Variants in SSH2 observed in about 807,000 individuals in gnomAD.
The protein encoded by SSH2 is slingshot protein phosphatase 2.
A neutral mutation model predicts 135.2 loss-of-function variants in SSH2; 37 were observed. The ratio of observed to expected loss-of-function variants is 0.27; its 90% CI spans 0.21 to 0.36. The LOEUF is 0.36. Ranked by LOEUF, SSH2 falls within the 10% of genes least tolerant of loss-of-function variation. The pLI, the probability that SSH2 is intolerant of heterozygous loss-of-function variation, is 1.00. For synonymous variants in SSH2, 628 were observed against 646.2 expected, an observed-to-expected ratio of 0.97 and a Z score of 0.43; for missense variants, 1,408 against 1,765.3, an observed-to-expected ratio of 0.80 and a Z score of 3.63.
At chr17:29,861,477 AC>A (rs1416843073) in intron 1 of SSH2, among the ~76,000 whole-genome samples, 1 of 152,104 alleles carries the variant, frequency 6.6e-6, no homozygotes, top group Non-Finnish European at 1.5e-5. Flanking sequence ...TTTCTCGTTT[AC>A]TATGTTAAGA....
intron 1 of SSH2, among the ~76,000 whole-genome samples, chr17:29,894,398 A>C (rs2066404442): frequency 6.6e-6 from 1 of 151,920 alleles, no homozygotes; most frequent in Non-Finnish European, 1.5e-5. Flanking sequence ...ACCCCTACAG[A>C]TATCAAAATC....
chr17:29,692,544 T>C (rs1371797324), intron 5 of SSH2, among the ~76,000 whole-genome samples: 2 of 152,264 alleles, frequency 1.3e-5, no homozygotes, highest in Non-Finnish European at 2.9e-5. Context: ...GCTCTGCCTT[T>C]GTAACTGCTT....
At chr17:29,877,977 T>G (rs1321669654) in intron 1 of SSH2, among the ~76,000 whole-genome samples, 2 of 151,488 alleles carry the variant, frequency 1.3e-5, no homozygotes, top group African/African-American at 2.4e-5. Context: ...CCCAGCTACT[T>G]GGGAGGCTGA....
chr17:29,761,346 C>A (rs900529448), intron 3 of SSH2: 322 of 1,078,304 alleles, frequency 3.0e-4, no homozygotes, highest in South Asian at 9.1e-4. Flanking sequence ...GCGCAGGCTG[C>A]GCGTGCACCC....
intron 3 of SSH2, among the ~76,000 whole-genome samples, chr17:29,703,302 G>A (rs1409633565): frequency 6.6e-6 from 1 of 152,184 alleles, no homozygotes; most frequent in Non-Finnish European, 1.5e-5. Flanking sequence ...AGGCCGGAGT[G>A]CAGTGGCGTG....
chr17:29,726,073 A>C (rs2039993910), intron 3 of SSH2, among the ~76,000 whole-genome samples: 1 of 152,206 alleles, frequency 6.6e-6, no homozygotes, highest in African/African-American at 2.4e-5. Context: ...GAGGTGGTCA[A>C]GATGATATTC....
At position 29,628,869 on chromosome 17, in the gene SSH2, C is replaced by G. The variant is rs1323739213; in HGVS notation, c.*1972G>C. ...CCCAGCCTTGGCTTCCACACAACTT[C>G]ACAGCTCCTCTTAAGACCCAGTGGC... is the stretch of plus-strand genomic sequence containing the variant. On this transcript the variant is annotated 3_prime_UTR_variant, in exon 16 of 16. Transcript: ENST00000540801. 2.0e-5 allele frequency: 3 copies of G among 152,284 alleles called. No individual in the cohort carries two copies. Among genetic ancestry groups the G allele is most frequent in the Non-Finnish European group, 4.4e-5 (3 of 68,066 alleles). The allele number at this position is 152,284 out of a possible 1,614,324, so 9.4% of individuals were successfully genotyped here.
At chr17:29,744,093 A>G (rs1289200215) in intron 3 of SSH2, among the ~76,000 whole-genome samples, 2 of 152,036 alleles carry the variant, frequency 1.3e-5, no homozygotes, top group East Asian at 3.9e-4. Flanking sequence ...CTCAGAGTAC[A>G]GGGACGCCAA....
At chr17:29,918,757 C>CA (rs1304590426) in intron 1 of SSH2, among the ~76,000 whole-genome samples, 1 of 151,926 alleles carries the variant, frequency 6.6e-6, no homozygotes, top group Non-Finnish European at 1.5e-5. Context: ...GCCAACATGG[C>CA]GAAACCCTAT....
chr17:29,672,616 G>A (rs1312371692), intron 8 of SSH2, among the ~76,000 whole-genome samples: 1 of 152,182 alleles, frequency 6.6e-6, no homozygotes, highest in East Asian at 1.9e-4. Context: ...TAATGTCCAG[G>A]AAGTGTTGAT....
At chr17:29,803,387 T>G (rs1337989959) in intron 2 of SSH2, among the ~76,000 whole-genome samples, 1 of 152,168 alleles carries the variant, frequency 6.6e-6, no homozygotes, top group Non-Finnish European at 1.5e-5. Flanking sequence ...AAAGCTGGGC[T>G]CAACTGGAAA....
intron 3 of SSH2, among the ~76,000 whole-genome samples, chr17:29,733,627 T>C (rs981099152): frequency 6.6e-6 from 1 of 152,174 alleles, no homozygotes. Context: ...ATTTAAACAA[T>C]AGTTACCAAA....
At chr17:29,843,083 A>G (rs543155998) in intron 2 of SSH2, among the ~76,000 whole-genome samples, 1 of 152,352 alleles carries the variant, frequency 6.6e-6, no homozygotes, top group South Asian at 2.1e-4. Flanking sequence ...AAACGAAGAG[A>G]GTAAATACAA....
At chr17:29,811,091 G>A (rs1229296560) in intron 2 of SSH2, among the ~76,000 whole-genome samples, 1 of 152,212 alleles carries the variant, frequency 6.6e-6, no homozygotes, top group East Asian at 1.9e-4. Context: ...TGCCTCCTGG[G>A]TTCAAGCGAT....
intron 11 of SSH2, 111 bp from the exon 12 acceptor site, chr17:29,655,718 A>T: frequency 1.1e-6 from 1 of 920,764 alleles, no homozygotes; most frequent in Admixed American, 1.9e-5. Context: ...AACATCTACC[A>T]GTGCCCTTTA....
intron 3 of SSH2, chr17:29,761,484 G>C: frequency 1.0e-6 from 1 of 982,008 alleles, no homozygotes; most frequent in Non-Finnish European, 1.2e-6. Flanking sequence ...CGGGACGGGC[G>C]GGTCCTGAGA....
chr17:29,752,722 G>GGC (rs2040983659), intron 3 of SSH2, among the ~76,000 whole-genome samples: 1 of 151,658 alleles, frequency 6.6e-6, no homozygotes, highest in African/African-American at 2.4e-5. Context: ...AAAGTTAAAA[G>GGC]TCAAGCAATA....
At chr17:29,729,240 A>C (rs116824004) in intron 3 of SSH2, among the ~76,000 whole-genome samples, 3,125 of 152,320 alleles carry the variant, frequency 0.021, 112 homozygotes, top group African/African-American at 0.069. Flanking sequence ...GTCTGAATAG[A>C]CATTTCTCAA....
At chr17:29,916,338 C>G (rs1251738821) in intron 1 of SSH2, among the ~76,000 whole-genome samples, 1 of 152,124 alleles carries the variant, frequency 6.6e-6, no homozygotes, top group African/African-American at 2.4e-5. Context: ...GTGGGCAAAC[C>G]AAAGCATAGA....
Sources: gnomAD v4.1 joint callset for allele counts (sites outside exome capture counted in the v4.1 genomes callset) on GRCh38, gnomAD v4.1.1 for gene constraint, MANE v1.5 for transcripts, NCBI Gene and HGNC (gene_info 2026-07-23, HGNC 2026-07-21) for gene names.